NFIB: variants seen among roughly 807,000 people sequenced by gnomAD.
NFIB encodes the protein nuclear factor 1 B-type.
A neutral mutation model predicts 61.5 loss-of-function variants in NFIB; 11 were observed. That is an observed-to-expected ratio of 0.18 (90% CI 0.11 to 0.30). NFIB has a LOEUF of 0.30. Ranked by LOEUF, NFIB falls within the 10% of genes least tolerant of loss-of-function variation. NFIB has a pLI of 1.00. For synonymous variants in NFIB, 260 were observed against 216.5 expected (o/e 1.20, Z -1.76); for missense variants, 471 against 608.9 (o/e 0.77, Z 2.38).
chr9:14,359,116 T>C (rs1192992961), intron 1 of NFIB, among the ~76,000 whole-genome samples: 1 of 152,200 alleles, frequency 6.6e-6, no homozygotes, highest in Non-Finnish European at 1.5e-5. Context: ...GGGCAAATGC[T>C]ACAAGATCAG....
At chr9:14,247,369 C>T (rs1049353232) in intron 2 of NFIB, among the ~76,000 whole-genome samples, 11 of 152,310 alleles carry the variant, frequency 7.2e-5, no homozygotes, top group African/African-American at 1.7e-4. Context: ...GCCTTCCATG[C>T]GCCATCCAAT....
chr9:14,186,733 C>A (rs1294550655), intron 2 of NFIB, among the ~76,000 whole-genome samples: 2 of 151,752 alleles, frequency 1.3e-5, no homozygotes, highest in Non-Finnish European at 2.9e-5. Flanking sequence ...ACTAGCTTTC[C>A]ATAATCAAGT....
intron 2 of NFIB, among the ~76,000 whole-genome samples, chr9:14,218,764 C>A (rs142299895): frequency 1.7e-3 from 255 of 152,282 alleles, no homozygotes; most frequent in Non-Finnish European, 2.9e-3. Flanking sequence ...AATGCATTGG[C>A]CTTGATCACA....
intron 2 of NFIB, among the ~76,000 whole-genome samples, chr9:14,181,602 A>G (rs1326548124): frequency 2.6e-5 from 4 of 152,240 alleles, no homozygotes; most frequent in Admixed American, 6.5e-5. Context: ...ATGATAAATC[A>G]TAACTTTTTG....
chr9:14,504,974 T>C, the NFIB span, among the ~76,000 whole-genome samples: 3 of 152,232 alleles, frequency 2.0e-5, no homozygotes, highest in African/African-American at 7.2e-5. Context: ...GGGTTTGTCA[T>C]AGATGACTTT....
chr9:14,235,675 G>A (rs181681530), intron 2 of NFIB, among the ~76,000 whole-genome samples: 1 of 152,304 alleles, frequency 6.6e-6, no homozygotes, highest in African/African-American at 2.4e-5. Context: ...TTCACGTACT[G>A]CTGAATTACA....
intron 1 of NFIB, among the ~76,000 whole-genome samples, chr9:14,335,764 AT>A (rs1351089964): frequency 6.6e-6 from 1 of 152,030 alleles, no homozygotes; most frequent in Non-Finnish European, 1.5e-5. Flanking sequence ...ATCATGAAAG[AT>A]TTTTTCCCTC....
chr9:14,395,533 A>C (rs2061674269), intron 1 of NFIB, among the ~76,000 whole-genome samples: 1 of 151,812 alleles, frequency 6.6e-6, no homozygotes, highest in Non-Finnish European at 1.5e-5. Context: ...GAGCCCCACA[A>C]ATATAAAGCT....
At chr9:14,348,679 G>A (rs919760818) in intron 1 of NFIB, among the ~76,000 whole-genome samples, 1 of 152,234 alleles carries the variant, frequency 6.6e-6, no homozygotes, top group Non-Finnish European at 1.5e-5. Context: ...TGGCTCTGGG[G>A]GTGCCACGCG....
chr9:14,450,136 C>G, the NFIB span, among the ~76,000 whole-genome samples: 1 of 152,036 alleles, frequency 6.6e-6, no homozygotes, highest in African/African-American at 2.4e-5. Context: ...TACACTCCGA[C>G]AGGCCCCGGT....
intron 1 of NFIB, among the ~76,000 whole-genome samples, chr9:14,363,787 A>T (rs1003339546): frequency 1.3e-5 from 2 of 152,142 alleles, no homozygotes; most frequent in African/African-American, 2.4e-5. Context: ...TTACAAAAAA[A>T]TGGGATTATA....
intron 3 of NFIB, among the ~76,000 whole-genome samples, chr9:14,156,209 C>T (rs1415099351): frequency 6.6e-6 from 1 of 152,106 alleles, no homozygotes; most frequent in Non-Finnish European, 1.5e-5. Flanking sequence ...ATGCTTTTGA[C>T]TCGGTAGCAC....
chr9:14,300,804 G>C (rs758316441), intron 2 of NFIB, among the ~76,000 whole-genome samples: 1 of 152,172 alleles, frequency 6.6e-6, no homozygotes, highest in Non-Finnish European at 1.5e-5. Flanking sequence ...TGGCAAGAGC[G>C]CTAGTGTCAG....
chr9:14,435,153 G>A, the NFIB span, among the ~76,000 whole-genome samples: 2 of 152,220 alleles, frequency 1.3e-5, no homozygotes, highest in African/African-American at 2.4e-5. Context: ...CCCTATGCAG[G>A]AACCAGGCAA....
intron 2 of NFIB, among the ~76,000 whole-genome samples, chr9:14,235,866 T>C (rs930948600): frequency 6.6e-6 from 1 of 152,330 alleles, no homozygotes; most frequent in East Asian, 1.9e-4. Flanking sequence ...GCTTGAACTT[T>C]AACTATGAAA....
chr9:14,501,289 GA>G, the NFIB span, among the ~76,000 whole-genome samples: 2 of 152,142 alleles, frequency 1.3e-5, no homozygotes, highest in African/African-American at 4.8e-5. Flanking sequence ...GCCCTTCAAA[GA>G]AGCTGTTTTA....
the NFIB span, among the ~76,000 whole-genome samples, chr9:14,415,747 C>T: frequency 2.6e-5 from 4 of 152,152 alleles, no homozygotes; most frequent in Admixed American, 6.5e-5. Context: ...ATGGTGATGT[C>T]GGTGTCCAAC....
At chr9:14,186,391 T>G (rs1215717886) in intron 2 of NFIB, among the ~76,000 whole-genome samples, 3 of 152,124 alleles carry the variant, frequency 2.0e-5, no homozygotes, top group African/African-American at 7.2e-5. Flanking sequence ...TTTTTAAGGC[T>G]CAGAACAGTC....
At chr9:14,369,970 T>C (rs2061340784) in intron 1 of NFIB, among the ~76,000 whole-genome samples, 1 of 152,244 alleles carries the variant, frequency 6.6e-6, no homozygotes, top group Non-Finnish European at 1.5e-5. Context: ...GACAAGGTTA[T>C]GTCCTACTGT....
Sources: allele counts gnomAD v4.1 joint callset (sites outside exome capture counted in the v4.1 genomes callset), GRCh38; gene constraint gnomAD v4.1.1; transcripts MANE v1.5; gene names NCBI Gene and HGNC (gene_info 2026-07-23, HGNC 2026-07-21).